The following EDEM2 variants were observed in gnomAD, a reference collection of about 807,000 sequenced individuals.
The protein encoded by EDEM2 is ER degradation enhancing alpha-mannosidase like protein 2.
A neutral mutation model predicts 64.8 loss-of-function variants in EDEM2; 39 were observed. The ratio of observed to expected loss-of-function variants is 0.60; its 90% CI spans 0.47 to 0.79. The LOEUF (loss-of-function observed/expected upper bound fraction) is 0.79. EDEM2 is among the 30% of genes least tolerant of loss of function. The probability of loss-of-function intolerance (pLI) is 0.00; values close to 1 mark genes in which losing one functional copy is unlikely to be tolerated. For synonymous variants in EDEM2, 296 were observed against 291.5 expected (o/e 1.02, Z -0.16); for missense variants, 609 against 731.3 (o/e 0.83, Z 1.93).
chr20:35,119,183 T>C (rs2085341120), intron 9 of EDEM2, among the ~76,000 whole-genome samples: 1 of 152,056 alleles, frequency 6.6e-6, no homozygotes, highest in African/African-American at 2.4e-5. Flanking sequence ...TAAGCTACTA[T>C]TTTTTTTCCT....
chr20:35,139,320 A>G (rs1287700595), intron 4 of EDEM2, among the ~76,000 whole-genome samples: 2 of 148,432 alleles, frequency 1.3e-5, no homozygotes, highest in African/African-American at 5.1e-5. Context: ...ACTGCACTTC[A>G]GCCTGGGTGA....
chr20:35,118,579 G>C lies in EDEM2; in HGVS notation c.1236+19C>G, dbSNP rs1442582949. ...AAGGGGAGACTCTTCCCAGTTCTTG[G>C]GGCCATGCAAACACTTACTGTTGCA... On this transcript the variant is annotated intron_variant, in intron 10 of 10. Transcript: ENST00000374492. 1 of 1,613,734 alleles carries C rather than the reference G, an allele frequency of 6.2e-7. No individual in the cohort carries two copies. The highest frequency in any genetic ancestry group is 8.5e-7 in the Non-Finnish European group (1 of 1,179,764).
intron 2 of EDEM2, among the ~76,000 whole-genome samples, chr20:35,146,096 A>C (rs1479774469): frequency 6.6e-6 from 1 of 151,926 alleles, no homozygotes; most frequent in Non-Finnish European, 1.5e-5. Flanking sequence ...ACACACATCT[A>C]TATATATAAT....
At chr20:35,120,928 G>A (rs2085361418) in intron 9 of EDEM2, among the ~76,000 whole-genome samples, 1 of 152,132 alleles carries the variant, frequency 6.6e-6, no homozygotes, top group South Asian at 2.1e-4. Context: ...GTGGGCCAGT[G>A]CCCTCATGAC....
At chr20:35,135,109 C>T (rs2085558580) in intron 5 of EDEM2, among the ~76,000 whole-genome samples, 160 bp from the exon 6 acceptor site, 1 of 152,156 alleles carries the variant, frequency 6.6e-6, no homozygotes, top group African/African-American at 2.4e-5. Flanking sequence ...AACTGGAGGG[C>T]CCTGAGCAGC....
chr20:35,135,230 G>A (rs956114016), intron 5 of EDEM2, among the ~76,000 whole-genome samples: 2 of 152,240 alleles, frequency 1.3e-5, no homozygotes, highest in South Asian at 2.1e-4. Context: ...TAGCTAGAGA[G>A]CTTTACCTAT....
intron 4 of EDEM2, 45 bp downstream of exon 4, chr20:35,142,328 T>C: frequency 6.6e-7 from 1 of 1,512,866 alleles, no homozygotes; most frequent in Non-Finnish European, 9.1e-7. Context: ...CAGAGGCAAC[T>C]TCACACTCTT....
intron 6 of EDEM2, among the ~76,000 whole-genome samples, chr20:35,132,836 C>T (rs1180825130): frequency 6.6e-6 from 1 of 152,144 alleles, no homozygotes; most frequent in African/African-American, 2.4e-5. Context: ...CTGCGCCCAG[C>T]CAAATATATG....
At chr20:35,139,377 G>A (rs1160750245) in intron 4 of EDEM2, among the ~76,000 whole-genome samples, 9 of 148,324 alleles carry the variant, frequency 6.1e-5, no homozygotes, top group South Asian at 2.1e-4. Context: ...GTCTGGGCAC[G>A]GTGGCTCATG....
rs1173729179 is a variant in EDEM2 at position 35,118,284 on chromosome 20, C to G, written c.1236+314G>C. 1.3e-4 allele frequency among the ~76,000 whole-genome samples: 20 copies of G among 152,120 alleles called. 1 individual carries two copies. Among genetic ancestry groups the G allele is most frequent in the Non-Finnish European group, 1.5e-5 (1 of 68,014 alleles). Reference sequence around the variant, plus strand: ...TATTTTAGTGTCTCACAAAACTTTTCGCTAAACTCACCTTTTCAAAGTCAC... The same window carrying G: ...TATTTTAGTGTCTCACAAAACTTTTGGCTAAACTCACCTTTTCAAAGTCAC... On this transcript the variant is annotated intron_variant, in intron 10 of 10. Transcript: ENST00000374492.
intron 4 of EDEM2, among the ~76,000 whole-genome samples, chr20:35,141,119 CAAAAAAAAAAAAAAAAA>C (rs58702725): frequency 0.03 from 886 of 29,390 alleles, 14 homozygotes; most frequent in East Asian, 0.059. Flanking sequence ...GACTCCGCCT[CAAAAAAAAAAAAAAAAA>C]AAAAAAAAAG....
At chr20:35,126,103 C>A in intron 8 of EDEM2, 148 bp downstream of exon 8, 3 of 1,043,642 alleles carry the variant, frequency 2.9e-6, no homozygotes, top group Non-Finnish European at 4.0e-6. Flanking sequence ...CTATCTAATT[C>A]ACTCTAGGTC....
intron 5 of EDEM2, among the ~76,000 whole-genome samples, chr20:35,137,070 G>A (rs548038255): frequency 2.0e-5 from 3 of 152,266 alleles, no homozygotes; most frequent in East Asian, 1.9e-4. Flanking sequence ...TCCAAAACCC[G>A]ATGTGGTAGG....
At chr20:35,133,623 C>T (rs145497211) in intron 6 of EDEM2, among the ~76,000 whole-genome samples, 14,790 of 152,004 alleles carry the variant, frequency 0.097, 804 homozygotes, top group South Asian at 0.16. Flanking sequence ...TGCACCACCA[C>T]GCCCGGCTAA....
chr20:35,140,758 G>A (rs2085642308), intron 4 of EDEM2, among the ~76,000 whole-genome samples: 1 of 152,012 alleles, frequency 6.6e-6, no homozygotes, highest in Admixed American at 6.6e-5. Flanking sequence ...TTAGTAAGAG[G>A]AAAATGGAAT....
At chr20:35,128,127 T>C (rs954374119) in intron 7 of EDEM2, among the ~76,000 whole-genome samples, 1 of 152,210 alleles carries the variant, frequency 6.6e-6, no homozygotes, top group Non-Finnish European at 1.5e-5. Context: ...GGCTCACACC[T>C]GTAATCCCAG....
chr20:35,120,356 C>T (rs141928232), intron 9 of EDEM2, among the ~76,000 whole-genome samples: 82 of 152,246 alleles, frequency 5.4e-4, no homozygotes, highest in Non-Finnish European at 1.1e-3. Context: ...AGTCACTGCA[C>T]CCAGCCTCTA....
intron 7 of EDEM2, among the ~76,000 whole-genome samples, chr20:35,128,040 C>T (rs1429093364): frequency 2.6e-5 from 4 of 152,150 alleles, no homozygotes; most frequent in African/African-American, 4.8e-5. Context: ...CAACCATTTA[C>T]GCGTTTATGT....
chr20:35,134,850 G>A lies in EDEM2; in HGVS notation c.590C>T (p.Thr197Ile). 2 of 1,614,162 alleles carry A rather than the reference G, an allele frequency of 1.2e-6. No homozygotes were observed. The highest frequency in any genetic ancestry group is 1.1e-5 in the South Asian group (1 of 91,082). Residue 197 changes from threonine to isoleucine, a missense_variant, in exon 6 of 11, where the codon ACC becomes ATC. Physicochemically the swap from Thr to Ile is moderately conservative, Grantham distance 89 (BLOSUM62 -1). Transcript: ENST00000374492. ...CAGGGTGGCAAATTCAACAATGAAG[G>A]TCCCAATCCCTGCCGTACAGGTGAC... ...TPVTCTAGIG[T>I]FIVEFATLSS...
Sources: allele counts gnomAD v4.1 joint callset (sites outside exome capture counted in the v4.1 genomes callset), GRCh38; gene constraint gnomAD v4.1.1; transcripts MANE v1.5; gene names NCBI Gene and HGNC (gene_info 2026-07-23, HGNC 2026-07-21).